The following PRKD3 variants were observed in gnomAD, a reference collection of about 807,000 sequenced individuals.
PRKD3 encodes the protein serine/threonine-protein kinase D3.
PRKD3 carries 47 observed loss-of-function variants against 99.2 expected under a neutral mutation model. The observed-to-expected ratio is 0.47, with a 90% confidence interval of 0.38 to 0.60. PRKD3 has a LOEUF of 0.60. Among genes scored for constraint, PRKD3 ranks in the 20% least tolerant of loss-of-function variants. The pLI, the probability that PRKD3 is intolerant of heterozygous loss-of-function variation, is 0.00. For missense variants in PRKD3, 1,019 were observed against 1,088.4 expected (o/e 0.94, Z 0.90); for synonymous variants, 392 against 355.4 (o/e 1.10, Z -1.16).
intron 1 of PRKD3, among the ~76,000 whole-genome samples, chr2:37,319,456 TA>T (rs1324217441): frequency 2.0e-5 from 3 of 152,134 alleles, no homozygotes; most frequent in African/African-American, 7.2e-5. Context: ...CTGGGAGAAA[TA>T]AACTAAAATT....
chr2:37,251,170 T>G lies in PRKD3; in HGVS notation c.*2007A>C, dbSNP rs1307901828. On this transcript the variant is annotated 3_prime_UTR_variant, in exon 19 of 19. Coordinates refer to ENST00000234179, the MANE Select transcript of PRKD3 (RefSeq NM_005813.6). Reference sequence around the variant, plus strand: ...CTTTGGTGAAACTGGGAAGTCATCCTCTATCACAGGGAAAATAACATTTCT... The same window carrying G: ...CTTTGGTGAAACTGGGAAGTCATCCGCTATCACAGGGAAAATAACATTTCT... The G allele has an allele frequency of 6.6e-6, 1 of 152,640 alleles. No individual in the cohort carries two copies. The highest frequency in any genetic ancestry group is 1.5e-5 in the Non-Finnish European group (1 of 68,042). 9.5% of individuals were successfully genotyped at this position (152,640 alleles called of 1,614,324 possible). A position where few individuals can be genotyped will look rare whatever the true frequency, so the allele number is the denominator to read the frequency against.
intron 2 of PRKD3, among the ~76,000 whole-genome samples, chr2:37,311,070 A>T (rs528909543): frequency 2.0e-5 from 3 of 152,276 alleles, no homozygotes; most frequent in South Asian, 4.1e-4. Context: ...AGCAGACTCT[A>T]TATGTGCATA....
At chr2:37,259,801 G>A (rs375368867) in intron 15 of PRKD3, 120 bp from the exon 16 acceptor site, 1 of 669,282 alleles carries the variant, frequency 1.5e-6, no homozygotes. Context: ...AGCTAAAAGT[G>A]TGTTATTCTG....
At chr2:37,321,128 T>G (rs1671867638) in intron 1 of PRKD3, among the ~76,000 whole-genome samples, 1 of 152,180 alleles carries the variant, frequency 6.6e-6, no homozygotes, top group Admixed American at 6.6e-5. Flanking sequence ...GAAAGAAGAG[T>G]ACATCTTATT....
chr2:37,320,187 T>C (rs1057432329), intron 1 of PRKD3, among the ~76,000 whole-genome samples: 3 of 152,170 alleles, frequency 2.0e-5, no homozygotes, highest in African/African-American at 4.8e-5. Context: ...AAGCTGTTGT[T>C]TGCCTGTGAC....
intron 1 of PRKD3, among the ~76,000 whole-genome samples, chr2:37,319,022 A>G (rs1258489374): frequency 4.6e-5 from 7 of 152,174 alleles, no homozygotes; most frequent in Admixed American, 3.9e-4. Context: ...TCTTAGCTGG[A>G]AAAAAATAAC....
chr2:37,256,968 G>C (rs1441716967), intron 16 of PRKD3, 39 bp from the exon 17 acceptor site: 1 of 1,603,748 alleles, frequency 6.2e-7, no homozygotes. Flanking sequence ...GTATTATAGT[G>C]TTATATATGT....
Position 37,251,058 on chromosome 2 carries a change from A to G in PRKD3, c.*2119T>C, listed in dbSNP as rs1489399311. 1 of 152,584 alleles carries G rather than the reference A, an allele frequency of 6.6e-6. No homozygotes were observed. Among genetic ancestry groups the G allele is most frequent in the African/African-American group, 2.4e-5 (1 of 41,420 alleles). 9.5% of individuals were successfully genotyped at this position (152,584 alleles called of 1,614,324 possible). On this transcript the variant is annotated 3_prime_UTR_variant, in exon 19 of 19. Coordinates refer to ENST00000234179, the MANE Select transcript of PRKD3 (RefSeq NM_005813.6). ...TAGCAAACAAACATCGTTCCAGTTA[A>G]TTTTCACCTTACATAGTAAAACCAC... is the stretch of plus-strand genomic sequence containing the variant.
chr2:37,280,582 G>C (rs185795694), intron 7 of PRKD3, among the ~76,000 whole-genome samples: 14 of 152,194 alleles, frequency 9.2e-5, no homozygotes, highest in Admixed American at 9.2e-4. Context: ...ACATGCAAAA[G>C]AATGAACATA....
At chr2:37,301,389 A>C (rs1226897648) in intron 2 of PRKD3, among the ~76,000 whole-genome samples, 1 of 151,928 alleles carries the variant, frequency 6.6e-6, no homozygotes, top group Non-Finnish European at 1.5e-5. Context: ...TCAGTTGTAT[A>C]ATTTGAAAAG....
In PRKD3 at chr2:37,317,051, C is replaced by T. The variant is rs1013519012; in HGVS notation, c.-527G>A. On this transcript the variant is annotated 5_prime_UTR_variant, in exon 2 of 19. Coordinates refer to ENST00000234179, the MANE Select transcript of PRKD3 (RefSeq NM_005813.6). ...ACCTTAAATCACCTTCTCAAATGTC[C>T]TCATTTTCATTCTGGGGGGATGAAC... The T allele has an allele frequency of 2.0e-6, 2 of 985,604 alleles. No individual in the cohort carries two copies. The highest frequency in any genetic ancestry group is 3.5e-5 in the African/African-American group (2 of 57,180). The allele number at this position is 985,604 out of a possible 1,614,324, so 61.1% of individuals were successfully genotyped here.
rs750378615 is a variant in PRKD3 at position 37,277,931 on chromosome 2, T to C, written c.1231A>G (p.Lys411Glu). ...TTCACCATTGTGCTGCTCTTCCTCTTTGTGTGCTTGATGGATTGTACAACC... is the reference window on the plus strand; with the variant it reads ...TTCACCATTGTGCTGCTCTTCCTCTCTGTGTGCTTGATGGATTGTACAACC... ...MRVVQSIKHTKRKSSTMVKEG... is the reference protein window; with the variant it reads ...MRVVQSIKHTERKSSTMVKEG... Residue 411 changes from lysine to glutamate, a missense_variant, in exon 9 of 19, where the codon AAG becomes GAG. Transcript: ENST00000234179. The C allele has an allele frequency of 3.7e-6, 6 of 1,613,138 alleles. No individual in the cohort carries two copies. In the South Asian group the frequency reaches 4.4e-5, roughly 12 times the overall value.
Position 37,252,774 on chromosome 2 carries a change from C to G in PRKD3, c.*403G>C, listed in dbSNP as rs181949453. ...ATCTTGTAAGTCTTGTATAATTTAG[C>G]CAAGCTATATAGTAACTGGATGCTA... On this transcript the variant is annotated 3_prime_UTR_variant, in exon 19 of 19. Coordinates refer to ENST00000234179, the MANE Select transcript of PRKD3 (RefSeq NM_005813.6). 6.7e-6 allele frequency: 1 copy of G among 150,346 alleles called. No individual in the cohort carries two copies. Among genetic ancestry groups the G allele is most frequent in the African/African-American group, 2.4e-5 (1 of 40,900 alleles). The allele number at this position is 150,346 out of a possible 1,614,324, so 9.3% of individuals were successfully genotyped here. A position where few individuals can be genotyped will look rare whatever the true frequency, so the allele number is the denominator to read the frequency against.
In PRKD3 at chr2:37,324,691, TC is replaced by T. The variant is rs1672047264; in HGVS notation, c.-667del. The T allele has an allele frequency of 6.6e-6, 1 of 150,386 alleles. No individual in the cohort carries two copies. Among genetic ancestry groups the T allele is most frequent in the African/African-American group, 2.4e-5 (1 of 41,206 alleles). 9.3% of individuals were successfully genotyped at this position (150,386 alleles called of 1,614,324 possible). A position where few individuals can be genotyped will look rare whatever the true frequency, so the allele number is the denominator to read the frequency against. Reference sequence around the variant, plus strand: ...GAGGCGACTACTTACAGTGGCAGGCTCGGCCCGTCGTGAGAAACTGCGCCCG... The same window carrying T: ...GAGGCGACTACTTACAGTGGCAGGCTGGCCCGTCGTGAGAAACTGCGCCCG... On this transcript the variant is annotated 5_prime_UTR_variant, in exon 1 of 19. Coordinates refer to ENST00000234179, the MANE Select transcript of PRKD3 (RefSeq NM_005813.6).
chr2:37,283,900 C>CAAAA (rs397872003), intron 6 of PRKD3, among the ~76,000 whole-genome samples: 2 of 89,662 alleles, frequency 2.2e-5, no homozygotes, highest in East Asian at 2.5e-4. Context: ...GACTCTGTCT[C>CAAAA]AAAAAAAAAA....
intron 3 of PRKD3, 35 bp from the exon 4 acceptor site, chr2:37,291,034 A>T: frequency 6.4e-7 from 1 of 1,559,362 alleles, no homozygotes; most frequent in Non-Finnish European, 8.7e-7. Context: ...TACACGTTGT[A>T]TTTGTACTGC....
rs750981931 is a variant in PRKD3, at chr2:37,259,632, T to A, written c.2096A>T (p.Asp699Val). The change falls in exon 16 of 19, where the codon GAT becomes GTT. Residue 699 changes from aspartate to valine, a missense_variant. By Grantham distance (152) the Asp-to-Val change is radical. Coordinates refer to ENST00000234179, the MANE Select transcript of PRKD3 (RefSeq NM_005813.6). ...NLHFKNIVHC[D>V]LKPENVLLAS... is the part of the protein sequence containing the mutation. ...AAGCAGCACATTTTCTGGCTTTAAA[T>A]CACAGTGCACAATATTCTTAAAATG... 1 of 1,613,714 alleles carries A rather than the reference T, an allele frequency of 6.2e-7. No individual in the cohort carries two copies. The highest frequency in any genetic ancestry group is 1.1e-5 in the South Asian group (1 of 91,066).
chr2:37,256,535 A>C, intron 17 of PRKD3, 127 bp downstream of exon 17: 1 of 1,219,738 alleles, frequency 8.2e-7, no homozygotes, highest in Non-Finnish European at 1.1e-6. Context: ...TTGAATTTGG[A>C]AGATGAATGG....
At chr2:37,295,078 C>A (rs1429488539) in intron 2 of PRKD3, among the ~76,000 whole-genome samples, 2 of 152,022 alleles carry the variant, frequency 1.3e-5, no homozygotes, top group Admixed American at 1.3e-4. Flanking sequence ...GGCTCCGTCA[C>A]AAACAAACAA....
Sources: gnomAD v4.1 joint callset for allele counts (sites outside exome capture counted in the v4.1 genomes callset) on GRCh38, gnomAD v4.1.1 for gene constraint, MANE v1.5 for transcripts, NCBI Gene and HGNC (gene_info 2026-07-23, HGNC 2026-07-21) for gene names.